HORMAD2: variants seen among roughly 807,000 people sequenced by gnomAD.
HORMAD2 encodes the protein HORMA domain-containing protein 2.
In HORMAD2, 45 loss-of-function variants were observed where a neutral mutation model predicts 38.8. The observed-to-expected ratio is 1.16, with a 90% CI of 0.91 to 1.49. The LOEUF is 1.49. Ranked by LOEUF, HORMAD2 falls within the 40% of genes most tolerant of loss-of-function variation. The pLI is 0.00. For synonymous variants in HORMAD2, 126 were observed against 122.8 expected, an observed-to-expected ratio of 1.03 and a Z score of -0.17; for missense variants, 338 against 367.0, an observed-to-expected ratio of 0.92 and a Z score of 0.65.
intron 5 of HORMAD2, among the ~76,000 whole-genome samples, chr22:30,106,720 T>C (rs1344556720): frequency 1.3e-5 from 2 of 152,238 alleles, no homozygotes; most frequent in African/African-American, 2.4e-5. Context: ...TTAACACCTG[T>C]GTGACCTTTG....
At chr22:30,200,731 G>GTATTATTATTAT in the HORMAD2 span, among the ~76,000 whole-genome samples, 4,459 of 141,490 alleles carry the variant, frequency 0.032, 137 homozygotes, top group South Asian at 0.072. Context: ...CAACAGAAAT[G>GTATTATTATTAT]TATTATTATT....
chr22:30,095,735 C>T (rs1407507842), intron 2 of HORMAD2, among the ~76,000 whole-genome samples: 1 of 152,066 alleles, frequency 6.6e-6, no homozygotes, highest in East Asian at 1.9e-4. Context: ...AAGAGCATGC[C>T]TGGCTGAAAG....
chr22:30,103,354 A>G, intron 3 of HORMAD2, 83 bp from the exon 4 acceptor site: 1 of 757,342 alleles, frequency 1.3e-6, no homozygotes. Context: ...AAATAGTTAA[A>G]GGAAATACCC....
intron 10 of HORMAD2, among the ~76,000 whole-genome samples, chr22:30,134,413 ATATT>A (rs1448985947): frequency 2.7e-5 from 4 of 147,588 alleles, no homozygotes; most frequent in Admixed American, 1.4e-4. Flanking sequence ...ATAAATATAT[ATATT>A]TATGATTATA....
At chr22:30,181,539 G>T (rs923813815), downstream of HORMAD2, among the ~76,000 whole-genome samples, 2 of 152,160 alleles carry the variant, frequency 1.3e-5, no homozygotes, top group African/African-American at 4.8e-5. Flanking sequence ...TAAAACAGAA[G>T]CTTGTTAATT....
intron 10 of HORMAD2, among the ~76,000 whole-genome samples, chr22:30,141,778 A>G (rs1601566338): frequency 6.6e-6 from 1 of 151,702 alleles, no homozygotes; most frequent in Non-Finnish European, 1.5e-5. Flanking sequence ...TGTATTTTTA[A>G]TAGAGATGGG....
At chr22:30,198,869 A>G in the HORMAD2 span, among the ~76,000 whole-genome samples, 4 of 152,222 alleles carry the variant, frequency 2.6e-5, no homozygotes, top group African/African-American at 9.6e-5. Context: ...TAATGAGGTG[A>G]GAGAAAACCA....
At chr22:30,079,202 T>G (rs1305866067), upstream of HORMAD2, among the ~76,000 whole-genome samples, 1 of 152,114 alleles carries the variant, frequency 6.6e-6, no homozygotes, top group Non-Finnish European at 1.5e-5. Context: ...GAAATCCCCT[T>G]GGGGAGGTTC....
At chr22:30,164,967 A>AT (rs2123723635) in intron 10 of HORMAD2, among the ~76,000 whole-genome samples, 1 of 151,908 alleles carries the variant, frequency 6.6e-6, no homozygotes, top group South Asian at 2.1e-4. Flanking sequence ...CAATTTACCT[A>AT]TTTTTTCTTT....
rs370003836 is a variant in HORMAD2 at position 30,122,030 on chromosome 22, A to T, written c.635A>T (p.Asp212Val). The T allele has an allele frequency of 1.2e-6, 2 of 1,613,360 alleles. No homozygotes were observed. Among genetic ancestry groups the T allele is most frequent in the Non-Finnish European group, 1.7e-6 (2 of 1,179,648 alleles). ...GTAAATTCACACTTCCTGCTGTTTG[A>T]CAAGGAGCCTATCAACGTGCAAGTG... ...EGVNSHFLLF[D>V]KEPINVQVGF... Residue 212 changes from aspartate to valine, a missense_variant, in exon 10 of 11, where the codon GAC becomes GTC. Transcript: ENST00000336726.
intron 1 of HORMAD2, among the ~76,000 whole-genome samples, chr22:30,081,599 A>G (rs1176000668): frequency 1.3e-5 from 2 of 149,456 alleles, no homozygotes; most frequent in African/African-American, 4.9e-5. Context: ...TTTTTGTGAG[A>G]TGGAGTCGAG....
intron 1 of HORMAD2, among the ~76,000 whole-genome samples, chr22:30,081,614 G>A (rs1175958648): frequency 6.6e-6 from 1 of 150,854 alleles, no homozygotes; most frequent in Non-Finnish European, 1.5e-5. Flanking sequence ...GTCGAGCTCT[G>A]TGCCAGGCTG....
chr22:30,120,156 A>G (rs968623928), intron 8 of HORMAD2, among the ~76,000 whole-genome samples: 1 of 152,178 alleles, frequency 6.6e-6, no homozygotes, highest in Non-Finnish European at 1.5e-5. Flanking sequence ...AATCTTTCAC[A>G]TGCTAAGGAG....
chr22:30,185,282 G>A, the HORMAD2 span, among the ~76,000 whole-genome samples: 1 of 152,162 alleles, frequency 6.6e-6, no homozygotes, highest in African/African-American at 2.4e-5. Flanking sequence ...CCAGGCATTT[G>A]GGTTACTGTC....
intron 10 of HORMAD2, among the ~76,000 whole-genome samples, chr22:30,148,262 GA>G (rs1227422809): frequency 2.0e-5 from 3 of 152,032 alleles, no homozygotes; most frequent in Admixed American, 6.6e-5. Context: ...GAAAGAAAAA[GA>G]AAAAAACTTA....
chr22:30,090,891 ATTG>A (rs1292141013), intron 1 of HORMAD2, among the ~76,000 whole-genome samples: 3 of 152,240 alleles, frequency 2.0e-5, no homozygotes, highest in Non-Finnish European at 4.4e-5. Context: ...ACAATAAATC[ATTG>A]TTAACTGTGG....
At chr22:30,187,767 T>C in the HORMAD2 span, among the ~76,000 whole-genome samples, 1 of 152,134 alleles carries the variant, frequency 6.6e-6, no homozygotes, top group Non-Finnish European at 1.5e-5. Flanking sequence ...CCAAATATAA[T>C]TTCTTTTAAG....
At chr22:30,078,887 A>G (rs950846661), upstream of HORMAD2, among the ~76,000 whole-genome samples, 3 of 151,956 alleles carry the variant, frequency 2.0e-5, no homozygotes, top group Non-Finnish European at 4.4e-5. Context: ...GTGTGGTTGG[A>G]GCTTAAAAAG....
intron 5 of HORMAD2, 151 bp from the exon 6 acceptor site, chr22:30,111,645 G>A: frequency 1.7e-6 from 1 of 602,898 alleles, no homozygotes; most frequent in South Asian, 2.5e-5. Context: ...AGGGATGACT[G>A]TATCCTTTTT....
Sources: gnomAD v4.1 joint callset for allele counts (sites outside exome capture counted in the v4.1 genomes callset) on GRCh38, gnomAD v4.1.1 for gene constraint, MANE v1.5 for transcripts, NCBI Gene and HGNC (gene_info 2026-07-23, HGNC 2026-07-21) for gene names.